Variants in PCDHGA7 observed in about 807,000 individuals in gnomAD.
PCDHGA7 encodes the protein protocadherin gamma-A7.
Under a neutral mutation model 58.3 loss-of-function variants are expected in PCDHGA7, and 44 were observed. The ratio of observed to expected loss-of-function variants is 0.75; its 90% CI spans 0.59 to 0.97. The LOEUF is 0.97. Among genes scored for constraint, PCDHGA7 ranks in the 50% least tolerant of loss-of-function variants. PCDHGA7 has a pLI of 0.00. For synonymous variants in PCDHGA7, 516 were observed against 504.2 expected (o/e 1.02, Z -0.31); for missense variants, 1,266 against 1,188.7 (o/e 1.06, Z -0.96).
Position 141,477,160 on chromosome 5 carries a change from C to A in PCDHGA7, c.2425-17647C>A, listed in dbSNP as rs768436526. The A allele has an allele frequency of 1.9e-5, 31 of 1,614,068 alleles. No homozygotes were observed. The African/African-American group carries it at 3.6e-4, about 19-fold the overall frequency. On this transcript the variant is annotated intron_variant, in intron 1 of 3. Coordinates refer to ENST00000518325, the MANE Select transcript of PCDHGA7 (RefSeq NM_018920.4). This position sits in a 1 kb window ranked among gnomAD's most constrained non-coding sequence, Gnocchi z 4.9. ...TGGAGGTTGTGGATGTGAATGACAA[C>A]GCCCCGGAGATCACAGTCACCTCCG...
Position 141,453,270 on chromosome 5 carries a change from T to C in PCDHGA7, c.2425-41537T>C, listed in dbSNP as rs1592250907. 4.6e-5 allele frequency among the ~76,000 whole-genome samples: 7 copies of C among 152,146 alleles called. No homozygotes were observed. In the South Asian group the frequency reaches 1.5e-3, roughly 32 times the overall value. On this transcript the variant is annotated intron_variant, in intron 1 of 3. Transcript: ENST00000518325. The stretch of plus-strand genomic sequence containing the variant: ...CTGGGGCTGCAAGTGCACACCACCA[T>C]GACTGGCTAATTTTTTAATTATTTA...
rs374095590 is a variant in PCDHGA7, at chr5:141,431,523, T to C, written c.2424+46200T>C. On this transcript the variant is annotated intron_variant, in intron 1 of 3. Coordinates refer to ENST00000518325, the MANE Select transcript of PCDHGA7 (RefSeq NM_018920.4). This position sits in a 1 kb window ranked among gnomAD's most constrained non-coding sequence, Gnocchi z 4.8. ...TACCGCGCGAGCGTTCCGGAGAATC[T>C]GGCCTTGGGCACGCAGCTGCTTGTA... 13 of 1,613,952 alleles carry C rather than the reference T, an allele frequency of 8.1e-6. No homozygotes were observed. The African/African-American group carries it at 1.5e-4, about 18-fold the overall frequency.
At chr5:141,501,550 A>G (rs1251701030) in intron 2 of PCDHGA7, among the ~76,000 whole-genome samples, 3 of 152,078 alleles carry the variant, frequency 2.0e-5, no homozygotes, top group Non-Finnish European at 4.4e-5. Flanking sequence ...ATAAGATCAT[A>G]GGCCCTGGAA....
chr5:141,419,617 C>T (rs780077182), intron 1 of PCDHGA7: 2 of 1,612,280 alleles, frequency 1.2e-6, no homozygotes, highest in South Asian at 2.2e-5. Flanking sequence ...AGCCAGGCTA[C>T]CTGGTGACCA....
chr5:141,439,124 C>A (rs550781116), intron 1 of PCDHGA7, among the ~76,000 whole-genome samples: 332 of 150,120 alleles, frequency 2.2e-3, no homozygotes, highest in Non-Finnish European at 3.9e-3. Context: ...ACCCGGGAGA[C>A]AGAGGTTGCA....
chr5:141,414,690 G>A (rs377704657), intron 1 of PCDHGA7: 53 of 1,613,888 alleles, frequency 3.3e-5, no homozygotes, highest in Middle Eastern at 1.6e-4. Flanking sequence ...GGGTACCTCT[G>A]TCCTCATACA....
At chr5:141,393,435 C>T in intron 1 of PCDHGA7, 1 of 1,614,014 alleles carries the variant, frequency 6.2e-7, no homozygotes. Context: ...AGAGGCTGCT[C>T]ACCACCTGGT....
intron 1 of PCDHGA7, among the ~76,000 whole-genome samples, chr5:141,465,907 G>C (rs1367648934): frequency 6.6e-6 from 1 of 152,056 alleles, no homozygotes; most frequent in East Asian, 1.9e-4. Flanking sequence ...CAAATCACGA[G>C]GTCAGGATTT....
rs112731052 is a variant in PCDHGA7 at position 141,457,109 on chromosome 5, A to G, written c.2425-37698A>G. ...TATAAGGATACTAATTAAGCAAAAT[A>G]CGACAGCAATGGAAACTCTGTCCAA... is the stretch of plus-strand genomic sequence containing the variant. On this transcript the variant is annotated intron_variant, in intron 1 of 3. Coordinates refer to ENST00000518325, the MANE Select transcript of PCDHGA7 (RefSeq NM_018920.4). 8.3e-3 allele frequency among the ~76,000 whole-genome samples: 1,258 copies of G among 152,360 alleles called. 17 individuals are homozygous for G. Among genetic ancestry groups the G allele is most frequent in the African/African-American group, 0.029 (1,195 of 41,578 alleles).
rs376978832 is a variant in PCDHGA7, at chr5:141,395,250, C to T, written c.2424+9927C>T. On this transcript the variant is annotated intron_variant, in intron 1 of 3. Transcript: ENST00000518325. ...TGATCATGGTCAGGTGAGTTTAGTT[C>T]TTTGCTTGCTTTTAATTTCCAGATG... 1.1e-5 allele frequency: 17 copies of T among 1,558,200 alleles called. No individual in the cohort carries two copies. In the African/African-American group the frequency reaches 2.3e-4, roughly 21 times the overall value.
chr5:141,485,134 C>G lies in PCDHGA7; in HGVS notation c.2425-9673C>G, dbSNP rs967744072. 1.3e-6 allele frequency: 2 copies of G among 1,495,962 alleles called. No individual in the cohort carries two copies. Among genetic ancestry groups the G allele is most frequent in the South Asian group, 2.4e-5 (2 of 84,482 alleles). 92.7% of individuals were successfully genotyped at this position (1,495,962 alleles called of 1,614,324 possible). ...CTGTTTGGGGCGGGTCGGCTTCATC[C>G]GCGTCTCAGGAGCAAGTAGAGAATT... On this transcript the variant is annotated intron_variant, in intron 1 of 3. Transcript: ENST00000518325. The surrounding 1 kb of genome is among the most constrained non-coding windows in gnomAD (Gnocchi z 5.7).
intron 1 of PCDHGA7, chr5:141,413,001 G>A (rs2095597089): frequency 1.7e-6 from 1 of 592,790 alleles, no homozygotes; most frequent in Non-Finnish European, 2.8e-6. Flanking sequence ...CGGATTCTCA[G>A]GGCTTCAACT....
rs2099609528 is a variant in PCDHGA7 at position 141,485,211 on chromosome 5, G to A, written c.2425-9596G>A. 6.2e-7 allele frequency: 1 copy of A among 1,614,126 alleles called. No individual in the cohort carries two copies. The highest frequency in any genetic ancestry group is 8.5e-7 in the Non-Finnish European group (1 of 1,179,980). Reference sequence around the variant, plus strand: ...GTGAGAAGCTGGACAGAAATCTGGCGGTGGGCTACCCTTTTGTTCCTCTTT... The same window carrying A: ...GTGAGAAGCTGGACAGAAATCTGGCAGTGGGCTACCCTTTTGTTCCTCTTT... On this transcript the variant is annotated intron_variant, in intron 1 of 3. Transcript: ENST00000518325. This position sits in a 1 kb window ranked among gnomAD's most constrained non-coding sequence, Gnocchi z 5.7.
At chr5:141,461,738 C>A (rs2099021378) in intron 1 of PCDHGA7, among the ~76,000 whole-genome samples, 1 of 150,904 alleles carries the variant, frequency 6.6e-6, no homozygotes. Flanking sequence ...TGGCACAATC[C>A]CGGCTCCCAG....
intron 3 of PCDHGA7, among the ~76,000 whole-genome samples, chr5:141,505,868 G>T (rs2099848820): frequency 6.6e-6 from 1 of 152,170 alleles, no homozygotes; most frequent in Admixed American, 6.5e-5. Context: ...GGACCCCAAA[G>T]GGTTGTTGTA....
chr5:141,413,909 T>C, intron 1 of PCDHGA7: 2 of 1,613,316 alleles, frequency 1.2e-6, no homozygotes, highest in Non-Finnish European at 1.7e-6. Context: ...AACGCGCCGG[T>C]CTTCACCTTG....
chr5:141,489,951 T>C lies in PCDHGA7; in HGVS notation c.2425-4856T>C. On this transcript the variant is annotated intron_variant, in intron 1 of 3. Coordinates refer to ENST00000518325, the MANE Select transcript of PCDHGA7 (RefSeq NM_018920.4). The surrounding 1 kb of genome is among the most constrained non-coding windows in gnomAD (Gnocchi z 4.5). ...CTGTCATCGTGCTGGACATCAATGATAATGCTCCAACCTTCCAATCCTCAG... is the reference window on the plus strand; with the variant it reads ...CTGTCATCGTGCTGGACATCAATGACAATGCTCCAACCTTCCAATCCTCAG... 6.2e-7 allele frequency: 1 copy of C among 1,614,210 alleles called. No homozygotes were observed. Among genetic ancestry groups the C allele is most frequent in the Non-Finnish European group, 8.5e-7 (1 of 1,180,032 alleles).
chr5:141,501,478 T>A (rs536337246), intron 2 of PCDHGA7, among the ~76,000 whole-genome samples: 5 of 151,890 alleles, frequency 3.3e-5, no homozygotes, highest in Non-Finnish European at 7.4e-5. Flanking sequence ...CCTGGAAGAG[T>A]CCCTCATATC....
chr5:141,396,870 A>G (rs536206475), intron 1 of PCDHGA7, among the ~76,000 whole-genome samples: 3 of 152,328 alleles, frequency 2.0e-5, no homozygotes, highest in African/African-American at 7.2e-5. Flanking sequence ...TACCATTTGG[A>G]TGCACATTTG....
Sources: gnomAD v4.1 joint callset for allele counts (sites outside exome capture counted in the v4.1 genomes callset) on GRCh38, gnomAD v4.1.1 for gene constraint, Gnocchi (gnomAD v3.1) non-coding constraint, MANE v1.5 for transcripts, NCBI Gene and HGNC (gene_info 2026-07-23, HGNC 2026-07-21) for gene names.